The following KCNH7 variants were observed in gnomAD, a reference collection of about 807,000 sequenced individuals.
KCNH7 encodes the protein voltage-gated inwardly rectifying potassium channel KCNH7.
A neutral mutation model predicts 120.8 loss-of-function variants in KCNH7; 49 were observed. The observed-to-expected ratio is 0.41, with a 90% CI of 0.32 to 0.51. The LOEUF is 0.51. Ranked by LOEUF, KCNH7 falls within the 20% of genes least tolerant of loss-of-function variation. The pLI is 0.38. For missense variants in KCNH7, 1,097 were observed against 1,446.6 expected (o/e 0.76, Z 3.92); for synonymous variants, 547 against 516.1 (o/e 1.06, Z -0.81).
chr2:162,705,314 T>C (rs1049206196), intron 2 of KCNH7, among the ~76,000 whole-genome samples: 5 of 152,098 alleles, frequency 3.3e-5, no homozygotes, highest in African/African-American at 1.2e-4. Context: ...AGGTATGGAA[T>C]GGTATATTTT....
chr2:162,573,523 CAA>C (rs1432802473), intron 2 of KCNH7, among the ~76,000 whole-genome samples: 1 of 151,882 alleles, frequency 6.6e-6, no homozygotes, highest in African/African-American at 2.4e-5. Context: ...TGGAAATTTA[CAA>C]AGAGTTTATT....
intron 2 of KCNH7, among the ~76,000 whole-genome samples, chr2:162,542,940 A>T (rs767959057): frequency 6.6e-6 from 1 of 152,016 alleles, no homozygotes; most frequent in Non-Finnish European, 1.5e-5. Context: ...AATGATTTCT[A>T]TAACTCTTAT....
Position 162,764,678 on chromosome 2 carries a change from C to T in KCNH7, c.307+71859G>A, listed in dbSNP as rs930445586. 5.3e-5 allele frequency among the ~76,000 whole-genome samples: 8 copies of T among 152,060 alleles called. No homozygotes were observed. The South Asian group carries it at 1.7e-3, about 32-fold the overall frequency. On this transcript the variant is annotated intron_variant, in intron 2 of 15. Coordinates refer to ENST00000332142, the MANE Select transcript of KCNH7 (RefSeq NM_033272.4). ...AACAATGTAAGCTTAGATACAGATG[C>T]CTTAAAAAATCAATTCATGAGTTAT...
At chr2:162,647,994 AT>A (rs923891152) in intron 2 of KCNH7, among the ~76,000 whole-genome samples, 1 of 152,176 alleles carries the variant, frequency 6.6e-6, no homozygotes, top group Non-Finnish European at 1.5e-5. Flanking sequence ...CTGGAGTCAA[AT>A]TCTGCATAAT....
At chr2:162,567,574 A>C (rs2105891977) in intron 2 of KCNH7, among the ~76,000 whole-genome samples, 1 of 152,154 alleles carries the variant, frequency 6.6e-6, no homozygotes, top group East Asian at 1.9e-4. Context: ...ATGATATAAA[A>C]GCATATACCT....
intron 2 of KCNH7, among the ~76,000 whole-genome samples, chr2:162,579,510 G>A (rs1407070517): frequency 1.3e-5 from 2 of 151,996 alleles, no homozygotes; most frequent in Non-Finnish European, 2.9e-5. Context: ...TGAGTAGGTT[G>A]GAGACTCGTT....
intron 2 of KCNH7, among the ~76,000 whole-genome samples, chr2:162,831,994 C>A (rs1685494347): frequency 6.6e-6 from 1 of 151,978 alleles, no homozygotes; most frequent in Non-Finnish European, 1.5e-5. Context: ...CTTAAGAATG[C>A]CTATTTTATC....
chr2:162,598,320 C>T (rs1021702136), intron 2 of KCNH7, among the ~76,000 whole-genome samples: 27 of 151,906 alleles, frequency 1.8e-4, no homozygotes, highest in African/African-American at 6.5e-4. Flanking sequence ...AAAAAGAGAC[C>T]TTTTCAGGAA....
At chr2:162,494,422 T>A (rs1033986862) in intron 6 of KCNH7, among the ~76,000 whole-genome samples, 1 of 152,248 alleles carries the variant, frequency 6.6e-6, no homozygotes, top group Admixed American at 6.5e-5. Context: ...CCCTGGAGCA[T>A]CCAAAAGATA....
At chr2:162,419,781 G>C (rs1687646764) in intron 9 of KCNH7, among the ~76,000 whole-genome samples, 1 of 152,098 alleles carries the variant, frequency 6.6e-6, no homozygotes, top group South Asian at 2.1e-4. Context: ...ATTCAAGCCA[G>C]GCTCCTGTGT....
chr2:162,676,837 A>G (rs184187541), intron 2 of KCNH7, among the ~76,000 whole-genome samples: 9 of 151,596 alleles, frequency 5.9e-5, no homozygotes, highest in Admixed American at 3.3e-4. Flanking sequence ...TGATAGAATC[A>G]TACTCACTTT....
chr2:162,639,363 A>T (rs765486577), intron 2 of KCNH7, among the ~76,000 whole-genome samples: 30 of 152,130 alleles, frequency 2.0e-4, no homozygotes, highest in Non-Finnish European at 4.0e-4. Context: ...TTATTGGATG[A>T]ATGAATGAAT....
intron 2 of KCNH7, among the ~76,000 whole-genome samples, chr2:162,744,414 C>T (rs9751113): frequency 6.6e-6 from 1 of 151,974 alleles, no homozygotes; most frequent in Non-Finnish European, 1.5e-5. Flanking sequence ...TGTTATTTTT[C>T]CTTAAATGCA....
chr2:162,729,350 C>A (rs1169382271), intron 2 of KCNH7, among the ~76,000 whole-genome samples: 1 of 152,110 alleles, frequency 6.6e-6, no homozygotes, highest in East Asian at 1.9e-4. Flanking sequence ...TGAATATACC[C>A]TATTTTGACT....
At position 162,789,549 on chromosome 2, in the gene KCNH7, C is replaced by T. The variant is rs369879241; in HGVS notation, c.307+46988G>A. Among the ~76,000 whole-genome samples, 11 of 152,010 alleles carry T rather than the reference C, an allele frequency of 7.2e-5. No homozygotes were observed. In the South Asian group the frequency reaches 8.3e-4, roughly 11 times the overall value. Reference sequence around the variant, plus strand: ...TATAAACCATTCCATTCAACCACAGCGGAATACATGTTCTTCTCTAGCACA... The same window carrying T: ...TATAAACCATTCCATTCAACCACAGTGGAATACATGTTCTTCTCTAGCACA... On this transcript the variant is annotated intron_variant, in intron 2 of 15. Transcript: ENST00000332142.
chr2:162,753,469 C>T (rs1688678998), intron 2 of KCNH7, among the ~76,000 whole-genome samples: 1 of 152,106 alleles, frequency 6.6e-6, no homozygotes, highest in Non-Finnish European at 1.5e-5. Flanking sequence ...GAATCTGAAT[C>T]ATGAGAAAAA....
rs571140969 is a variant in KCNH7, at chr2:162,470,298, G to T, written c.1129-23855C>A. Among the ~76,000 whole-genome samples the T allele has an allele frequency of 7.8e-3, 1,178 of 151,558 alleles. 9 individuals carry two copies. The highest frequency in any genetic ancestry group is 0.013 in the Non-Finnish European group (885 of 67,862). On this transcript the variant is annotated intron_variant, in intron 6 of 15. Coordinates refer to ENST00000332142, the MANE Select transcript of KCNH7 (RefSeq NM_033272.4). Reference sequence around the variant, plus strand: ...CCCGCCCGCCCATCGTCTGAGATGTGGGGAGCGCCTCTGCCCTAGTGCCCT... The same window carrying T: ...CCCGCCCGCCCATCGTCTGAGATGTTGGGAGCGCCTCTGCCCTAGTGCCCT...
intron 2 of KCNH7, among the ~76,000 whole-genome samples, chr2:162,713,982 C>G (rs1040262294): frequency 1.3e-5 from 2 of 152,156 alleles, no homozygotes; most frequent in African/African-American, 4.8e-5. Context: ...CTCCTGAAAT[C>G]AGGTGATCCA....
At chr2:162,451,471 T>G (rs983856728) in intron 6 of KCNH7, among the ~76,000 whole-genome samples, 3 of 152,068 alleles carry the variant, frequency 2.0e-5, no homozygotes, top group Non-Finnish European at 2.9e-5. Context: ...AGTAGTCATT[T>G]TGTTACTTAT....
Sources: allele counts gnomAD v4.1 joint callset (sites outside exome capture counted in the v4.1 genomes callset), GRCh38; gene constraint gnomAD v4.1.1; transcripts MANE v1.5; gene names NCBI Gene and HGNC (gene_info 2026-07-23, HGNC 2026-07-21).